The following EXOC4 variants were observed in gnomAD, a reference collection of about 807,000 sequenced individuals.
EXOC4 encodes exocyst complex component 4, also known as SEC8-like 1.
EXOC4 carries 71 observed loss-of-function variants against 107.2 expected under a neutral mutation model. The ratio of observed to expected loss-of-function variants is 0.66; its 90% confidence interval spans 0.55 to 0.81. The LOEUF (loss-of-function observed/expected upper bound fraction) is 0.81, where lower values mean the gene tolerates loss of function less well. Ranked by LOEUF, EXOC4 falls within the 30% of genes least tolerant of loss-of-function variation. The pLI, the probability that EXOC4 is intolerant of heterozygous loss-of-function variation, is 0.00. For missense variants in EXOC4, 1,108 were observed against 1,189.6 expected, an observed-to-expected ratio of 0.93 and a Z score of 1.01; for synonymous variants, 456 against 441.2, an observed-to-expected ratio of 1.03 and a Z score of -0.42.
intron 10 of EXOC4, among the ~76,000 whole-genome samples, chr7:133,668,409 T>C (rs1256014108): frequency 6.6e-6 from 1 of 152,218 alleles, no homozygotes; most frequent in Non-Finnish European, 1.5e-5. Context: ...AGTTTTTTTC[T>C]TGTAAATAGA....
At chr7:133,928,230 A>G (rs531161087) in intron 13 of EXOC4, among the ~76,000 whole-genome samples, 7 of 152,180 alleles carry the variant, frequency 4.6e-5, no homozygotes, top group Non-Finnish European at 1.0e-4. Flanking sequence ...AGCCCTTGAG[A>G]AAGTCAGGCT....
intron 10 of EXOC4, among the ~76,000 whole-genome samples, chr7:133,788,419 T>C (rs763444106): frequency 6.6e-6 from 1 of 152,030 alleles, no homozygotes; most frequent in Non-Finnish European, 1.5e-5. Flanking sequence ...CTCCTCCTAT[T>C]GTCTTGGTCA....
At chr7:133,609,915 C>G (rs1250592998) in intron 9 of EXOC4, among the ~76,000 whole-genome samples, 1 of 152,148 alleles carries the variant, frequency 6.6e-6, no homozygotes, top group Non-Finnish European at 1.5e-5. Flanking sequence ...TAAACATTGA[C>G]CAAGACATCA....
chr7:133,983,437 A>T lies in EXOC4; in HGVS notation c.2207-14055A>T, dbSNP rs1794041511. Among the ~76,000 whole-genome samples the T allele has an allele frequency of 5.3e-5, 8 of 152,224 alleles. No homozygotes were observed. The South Asian group carries it at 1.2e-3, about 24-fold the overall frequency. ...AAGTTAAGTTGAAGAGGAACTCCAT[A>T]TGGGACTTCCAATTCAACTGCTTTA... On this transcript the variant is annotated intron_variant, in intron 14 of 17. Transcript: ENST00000253861.
intron 14 of EXOC4, among the ~76,000 whole-genome samples, chr7:133,969,141 T>C (rs944126954): frequency 6.6e-6 from 1 of 152,216 alleles, no homozygotes; most frequent in African/African-American, 2.4e-5. Flanking sequence ...TGGCTATTGC[T>C]ACTTGTGTAT....
At chr7:133,958,491 A>G (rs867737162) in intron 14 of EXOC4, among the ~76,000 whole-genome samples, 11 of 152,194 alleles carry the variant, frequency 7.2e-5, no homozygotes, top group African/African-American at 2.7e-4. Flanking sequence ...CCCTTGCTAA[A>G]TGTGGATTTT....
chr7:133,956,048 C>T (rs1321570924), intron 14 of EXOC4, among the ~76,000 whole-genome samples: 4 of 152,344 alleles, frequency 2.6e-5, no homozygotes, highest in South Asian at 4.1e-4. Context: ...CCTGCCTGCT[C>T]CTGGCCCCCA....
chr7:133,882,272 G>A (rs750034220), intron 11 of EXOC4, among the ~76,000 whole-genome samples: 3 of 152,156 alleles, frequency 2.0e-5, no homozygotes, highest in Non-Finnish European at 2.9e-5. Context: ...GGACATTTGG[G>A]TTATTTCTAG....
At chr7:133,374,790 C>A (rs372570816) in intron 6 of EXOC4, 38 bp from the exon 7 acceptor site, 1 of 1,562,966 alleles carries the variant, frequency 6.4e-7, no homozygotes, top group Non-Finnish European at 8.8e-7. Flanking sequence ...TCTGCGTGTA[C>A]GTATGTGTAA....
chr7:134,082,729 G>T, the EXOC4 span, among the ~76,000 whole-genome samples: 1 of 152,124 alleles, frequency 6.6e-6, no homozygotes, highest in Non-Finnish European at 1.5e-5. Context: ...ATGACCCACC[G>T]TACCCGGCCT....
intron 9 of EXOC4, among the ~76,000 whole-genome samples, chr7:133,499,021 C>T (rs933373143): frequency 2.6e-5 from 4 of 150,954 alleles, no homozygotes; most frequent in African/African-American, 9.7e-5. Context: ...AAGTACTTAC[C>T]ATGTGTCAAT....
At chr7:133,856,687 T>C (rs1585201933) in intron 11 of EXOC4, among the ~76,000 whole-genome samples, 1 of 152,198 alleles carries the variant, frequency 6.6e-6, no homozygotes, top group East Asian at 1.9e-4. Flanking sequence ...AGTGGCCAAT[T>C]AATGTAGCTC....
At chr7:133,560,286 T>G (rs11983647) in intron 9 of EXOC4, among the ~76,000 whole-genome samples, 5,038 of 152,146 alleles carry the variant, frequency 0.033, 268 homozygotes, top group African/African-American at 0.11. Context: ...TTATTTTATT[T>G]TATTTATTTA....
intron 9 of EXOC4, among the ~76,000 whole-genome samples, chr7:133,606,791 T>A (rs6953896): frequency 6.6e-6 from 1 of 151,988 alleles, no homozygotes; most frequent in South Asian, 2.1e-4. Flanking sequence ...GCTAGGATTA[T>A]AGGTGTGAGC....
At chr7:133,671,471 G>A (rs1300438238) in intron 10 of EXOC4, among the ~76,000 whole-genome samples, 1 of 152,144 alleles carries the variant, frequency 6.6e-6, no homozygotes, top group Non-Finnish European at 1.5e-5. Flanking sequence ...GGAGACTGAG[G>A]CAGGAGAATC....
intron 9 of EXOC4, among the ~76,000 whole-genome samples, chr7:133,495,795 A>G (rs1338150082): frequency 1.3e-5 from 2 of 152,210 alleles, no homozygotes; most frequent in Non-Finnish European, 2.9e-5. Context: ...TTGTATTACA[A>G]ATGCACTAAT....
At chr7:133,679,837 A>G (rs1057102304) in intron 10 of EXOC4, among the ~76,000 whole-genome samples, 9 of 152,244 alleles carry the variant, frequency 5.9e-5, no homozygotes, top group African/African-American at 2.2e-4. Flanking sequence ...GAGAACATGC[A>G]GTACATTAAC....
intron 10 of EXOC4, among the ~76,000 whole-genome samples, chr7:133,634,013 G>T (rs776277720): frequency 6.6e-6 from 1 of 152,082 alleles, no homozygotes; most frequent in Non-Finnish European, 1.5e-5. Flanking sequence ...CTAGCAGTGC[G>T]TTCTTTGCAG....
At chr7:133,508,145 T>C (rs981516191) in intron 9 of EXOC4, among the ~76,000 whole-genome samples, 3 of 152,148 alleles carry the variant, frequency 2.0e-5, no homozygotes, top group Non-Finnish European at 1.5e-5. Context: ...GGTACCTAAC[T>C]GAATAATACA....
Sources: allele counts gnomAD v4.1 joint callset (sites outside exome capture counted in the v4.1 genomes callset), GRCh38; gene constraint gnomAD v4.1.1; transcripts MANE v1.5; gene names NCBI Gene and HGNC (gene_info 2026-07-23, HGNC 2026-07-21).